The following GRID2 variants were observed in gnomAD, a reference collection of about 807,000 sequenced individuals.
GRID2 encodes glutamate receptor ionotropic, delta-2.
GRID2 carries 33 observed loss-of-function variants against 114.8 expected under a neutral mutation model. The ratio of observed to expected loss-of-function variants is 0.29; its 90% confidence interval spans 0.22 to 0.38. GRID2 has a LOEUF of 0.38. GRID2 is among the 10% of genes least tolerant of loss of function. The pLI, the probability that GRID2 is intolerant of heterozygous loss-of-function variation, is 1.00. For synonymous variants in GRID2, 505 were observed against 449.9 expected (o/e 1.12, Z -1.55); for missense variants, 1,184 against 1,257.7 (o/e 0.94, Z 0.89).
At chr4:93,272,995 C>T (rs541825057) in intron 8 of GRID2, among the ~76,000 whole-genome samples, 9 of 152,268 alleles carry the variant, frequency 5.9e-5, no homozygotes, top group African/African-American at 1.9e-4. Flanking sequence ...TAACCCTTGA[C>T]CATCCTTTGT....
intron 7 of GRID2, among the ~76,000 whole-genome samples, chr4:93,236,461 G>A (rs867683634): frequency 1.4e-4 from 21 of 151,922 alleles, no homozygotes; most frequent in Admixed American, 3.3e-4. Context: ...ATTTTTACCC[G>A]AGAAAATGTA....
At chr4:93,094,059 G>A (rs1168359284) in intron 3 of GRID2, among the ~76,000 whole-genome samples, 2 of 151,898 alleles carry the variant, frequency 1.3e-5, no homozygotes, top group Admixed American at 1.3e-4. Flanking sequence ...GAATATCTCT[G>A]TATGAATATT....
chr4:93,559,877 C>A (rs1218950940), intron 13 of GRID2, among the ~76,000 whole-genome samples: 1 of 152,110 alleles, frequency 6.6e-6, no homozygotes, highest in Non-Finnish European at 1.5e-5. Context: ...GGCACATATG[C>A]ACCATGGAAT....
rs766154970 is a variant in GRID2, at chr4:93,177,823, T to G, written c.736-29581T>G. On this transcript the variant is annotated intron_variant, in intron 4 of 15. Coordinates refer to ENST00000282020, the MANE Select transcript of GRID2 (RefSeq NM_001510.4). ...TTTCTAAACTACCATTAACTAGTAG[T>G]TTTAGCAACTGCAAACATTTTATAA... Among the ~76,000 whole-genome samples, 79 of 152,240 alleles carry G rather than the reference T, an allele frequency of 5.2e-4. No homozygotes were observed. In the Middle Eastern group the frequency reaches 0.01, roughly 20 times the overall value.
chr4:92,733,914 A>G (rs1204885915), intron 2 of GRID2, among the ~76,000 whole-genome samples: 1 of 152,036 alleles, frequency 6.6e-6, no homozygotes. Flanking sequence ...TCTTCAGAGG[A>G]GCAGGGAGCC....
rs552397233 is a variant in GRID2, at chr4:93,594,921, G to A, written c.2194-31348G>A. ...CTCGCCCTGCTTCGGCTCATGCACG[G>A]TGCACGCACCCACTGACCTGCACCC... On this transcript the variant is annotated intron_variant, in intron 13 of 15. Coordinates refer to ENST00000282020, the MANE Select transcript of GRID2 (RefSeq NM_001510.4). 5.9e-5 allele frequency among the ~76,000 whole-genome samples: 9 copies of A among 152,156 alleles called. No individual in the cohort carries two copies. In the South Asian group the frequency reaches 1.9e-3, roughly 32 times the overall value.
intron 1 of GRID2, among the ~76,000 whole-genome samples, chr4:92,550,090 T>C (rs1159904448): frequency 6.6e-6 from 1 of 152,120 alleles, no homozygotes; most frequent in Non-Finnish European, 1.5e-5. Context: ...GAATAAGACA[T>C]TGATATATAC....
At chr4:92,780,449 G>A (rs1156890457) in intron 2 of GRID2, among the ~76,000 whole-genome samples, 1 of 152,052 alleles carries the variant, frequency 6.6e-6, no homozygotes, top group Non-Finnish European at 1.5e-5. Context: ...AAGTTATCTT[G>A]TCTGATGTTT....
At chr4:92,407,637 G>A (rs189631559) in intron 1 of GRID2, among the ~76,000 whole-genome samples, 1 of 152,274 alleles carries the variant, frequency 6.6e-6, no homozygotes. Flanking sequence ...ACTGGTGTGA[G>A]ATGGTATCTC....
At chr4:92,327,818 C>T (rs1195713382) in intron 1 of GRID2, among the ~76,000 whole-genome samples, 1 of 151,700 alleles carries the variant, frequency 6.6e-6, no homozygotes, top group Admixed American at 6.6e-5. Flanking sequence ...CTGTTCCCCT[C>T]ACGTAGAGAA....
chr4:93,778,936 T>C (rs938750359), downstream of GRID2, among the ~76,000 whole-genome samples: 1 of 152,152 alleles, frequency 6.6e-6, no homozygotes, highest in Non-Finnish European at 1.5e-5. Flanking sequence ...TATATACACA[T>C]AATTGGGACT....
rs1474523987 is a variant in GRID2, at chr4:92,304,040, C to G, written c.-617C>G. On this transcript the variant is annotated 5_prime_UTR_variant, in exon 1 of 16. Transcript: ENST00000282020. ...CAGAAAGGGAATTTTCTCTGCATTA[C>G]TATCTGCATTACCTTGAAGTTCACT... The G allele has an allele frequency of 6.5e-6, 1 of 152,864 alleles. No individual in the cohort carries two copies. The highest frequency in any genetic ancestry group is 2.4e-5 in the African/African-American group (1 of 41,478). The allele number at this position is 152,864 out of a possible 1,614,324, so 9.5% of individuals were successfully genotyped here. A position where few individuals can be genotyped will look rare whatever the true frequency, so the allele number is the denominator to read the frequency against.
chr4:93,230,148 G>A (rs1054396019), intron 7 of GRID2, among the ~76,000 whole-genome samples: 3 of 32,118 alleles, frequency 9.3e-5, no homozygotes, highest in South Asian at 8.8e-4. Context: ...GTGTGTATGC[G>A]TGTGTGTGTG....
Position 92,715,043 on chromosome 4 carries a change from A to G in GRID2, c.244+124757A>G, listed in dbSNP as rs145752201. Among the ~76,000 whole-genome samples, 17 of 152,188 alleles carry G rather than the reference A, an allele frequency of 1.1e-4. No homozygotes were observed. The East Asian group carries it at 3.3e-3, about 29-fold the overall frequency. On this transcript the variant is annotated intron_variant, in intron 2 of 15. Transcript: ENST00000282020. ...TATTGTCAGGTTGCGAATTTTCCAA[A>G]CTTTTATGCTCTCTTTCCCTTATGA...
chr4:93,456,878 C>T (rs78613032), intron 11 of GRID2, among the ~76,000 whole-genome samples: 2,700 of 152,228 alleles, frequency 0.018, 68 homozygotes, highest in African/African-American at 0.062. Context: ...CTTCATCTGA[C>T]TTGCTAACTT....
At chr4:93,476,638 A>C (rs1028404673) in intron 11 of GRID2, among the ~76,000 whole-genome samples, 3 of 152,130 alleles carry the variant, frequency 2.0e-5, no homozygotes, top group Admixed American at 6.6e-5. Context: ...CTAAAATATC[A>C]AAATGGAACA....
intron 5 of GRID2, among the ~76,000 whole-genome samples, chr4:93,213,115 A>G (rs1225275824): frequency 6.6e-6 from 1 of 152,032 alleles, no homozygotes; most frequent in Non-Finnish European, 1.5e-5. Flanking sequence ...TAAAAAGCCT[A>G]TATGTGTAAT....
intron 1 of GRID2, among the ~76,000 whole-genome samples, chr4:92,565,338 A>G (rs1204169410): frequency 6.6e-6 from 1 of 151,992 alleles, no homozygotes; most frequent in Non-Finnish European, 1.5e-5. Flanking sequence ...GTCAATTCAT[A>G]TTATTTTTCT....
intron 2 of GRID2, among the ~76,000 whole-genome samples, chr4:93,007,793 C>T (rs567680293): frequency 6.6e-6 from 1 of 152,078 alleles, no homozygotes; most frequent in South Asian, 2.1e-4. Flanking sequence ...GTAATCCCAG[C>T]ACTTTGGGAG....
Sources: gnomAD v4.1 joint callset for allele counts (sites outside exome capture counted in the v4.1 genomes callset) on GRCh38, gnomAD v4.1.1 for gene constraint, MANE v1.5 for transcripts, NCBI Gene and HGNC (gene_info 2026-07-23, HGNC 2026-07-21) for gene names.